The following JKAMP variants were observed in gnomAD, a reference collection of about 807,000 sequenced individuals.
JKAMP encodes the protein JNK1/MAPK8 associated membrane protein.
Under a neutral mutation model 40.2 loss-of-function variants are expected in JKAMP, and 20 were observed. The observed-to-expected ratio is 0.50, with a 90% CI of 0.35 to 0.72. JKAMP has a LOEUF of 0.72. Among genes scored for constraint, JKAMP ranks in the 30% least tolerant of loss-of-function variants. The pLI is 0.01. For missense variants in JKAMP, 276 were observed against 373.0 expected (o/e 0.74, Z 2.14); for synonymous variants, 138 against 131.6 (o/e 1.05, Z -0.33).
intron 6 of JKAMP, among the ~76,000 whole-genome samples, chr14:59,503,461 C>T (rs1892091275): frequency 6.6e-6 from 1 of 152,154 alleles, no homozygotes; most frequent in South Asian, 2.1e-4. Flanking sequence ...TTCTGTACCT[C>T]CTATTTCCCA....
intron 2 of JKAMP, 185 bp from the exon 3 acceptor site, chr14:59,487,489 C>T: frequency 2.1e-6 from 1 of 487,144 alleles, no homozygotes; most frequent in South Asian, 3.8e-5. Context: ...GAGCATTGTA[C>T]AAATATAGCA....
At chr14:59,491,919 A>G (rs893235698) in intron 3 of JKAMP, among the ~76,000 whole-genome samples, 3 of 152,252 alleles carry the variant, frequency 2.0e-5, no homozygotes, top group Non-Finnish European at 4.4e-5. Flanking sequence ...ATGGCTGCTG[A>G]CAAAAGTAGC....
chr14:59,503,045 A>G (rs7151094), intron 6 of JKAMP, among the ~76,000 whole-genome samples: 146,306 of 151,988 alleles, frequency 0.96, 70,660 homozygotes, highest in East Asian at 1. Context: ...ACCACGCCTG[A>G]CCTTGAATTT....
chr14:59,484,534 T>C lies in JKAMP; in HGVS notation c.-56T>C, dbSNP rs770760295. ...AGCTCGCTGTGGCCCGGATGTTCGGTGCAGCTGCCAGATCCGCTGATCTAG... is the reference window on the plus strand; with the variant it reads ...AGCTCGCTGTGGCCCGGATGTTCGGCGCAGCTGCCAGATCCGCTGATCTAG... On this transcript the variant is annotated 5_prime_UTR_variant, in exon 1 of 7. Coordinates refer to ENST00000616435, the MANE Select transcript of JKAMP (RefSeq NM_016475.5). 2 of 1,558,748 alleles carry C rather than the reference T, an allele frequency of 1.3e-6. No individual in the cohort carries two copies. Among genetic ancestry groups the C allele is most frequent in the Non-Finnish European group, 1.7e-6 (2 of 1,150,954 alleles).
intron 4 of JKAMP, among the ~76,000 whole-genome samples, chr14:59,496,021 A>G (rs1037902545): frequency 2.0e-5 from 3 of 152,212 alleles, no homozygotes; most frequent in African/African-American, 7.2e-5. Context: ...CTTGTGCCTC[A>G]GCCTCCCAAG....
Position 59,498,879 on chromosome 14 carries a change from T to C in JKAMP, c.611T>C (p.Val204Ala). Residue 204 changes from valine to alanine, a missense_variant, in exon 5 of 7, where the codon GTG becomes GCG. Physicochemically the swap from Val to Ala is moderately conservative, Grantham distance 64 (BLOSUM62 0). Coordinates refer to ENST00000616435, the MANE Select transcript of JKAMP (RefSeq NM_016475.5). ...AALYFFPILT[V>A]LQAVGGGLLY... ...CTTTACTTCTTCCCAATTTTAACCGTGCTTCAGGCAGTTGGTGGAGGCCTT... is the reference window on the plus strand; with the variant it reads ...CTTTACTTCTTCCCAATTTTAACCGCGCTTCAGGCAGTTGGTGGAGGCCTT... 1 of 1,610,256 alleles carries C rather than the reference T, an allele frequency of 6.2e-7. No homozygotes were observed. Among genetic ancestry groups the C allele is most frequent in the South Asian group, 1.1e-5 (1 of 90,234 alleles).
Position 59,497,610 on chromosome 14 carries a change from A to T in JKAMP, c.459-1117A>T, listed in dbSNP as rs901808020. ...TAATTCATTAGAAGAGGTAACACAT[A>T]ATGGTTTCCTCTTGATTAAAATCAT... is the stretch of plus-strand genomic sequence containing the variant. On this transcript the variant is annotated intron_variant, in intron 4 of 6. Transcript: ENST00000616435. 5.3e-5 allele frequency among the ~76,000 whole-genome samples: 8 copies of T among 152,278 alleles called. No individual in the cohort carries two copies. The South Asian group carries it at 1.7e-3, about 32-fold the overall frequency.
intron 4 of JKAMP, among the ~76,000 whole-genome samples, chr14:59,497,393 G>A (rs1891530240): frequency 6.6e-6 from 1 of 152,084 alleles, no homozygotes; most frequent in Admixed American, 6.6e-5. Flanking sequence ...GAGGTCTTCT[G>A]GTGGAAGGCA....
intron 6 of JKAMP, among the ~76,000 whole-genome samples, chr14:59,503,146 A>C (rs567411063): frequency 1.3e-5 from 2 of 152,162 alleles, no homozygotes; most frequent in Admixed American, 6.5e-5. Flanking sequence ...CTCCTATATA[A>C]AATGTTCACA....
At chr14:59,497,952 T>C (rs1264710148) in intron 4 of JKAMP, among the ~76,000 whole-genome samples, 1 of 152,050 alleles carries the variant, frequency 6.6e-6, no homozygotes, top group Admixed American at 6.6e-5. Context: ...CTCAGGAAAA[T>C]TAAGGTAGAA....
At chr14:59,500,625 C>T (rs752492889) in intron 5 of JKAMP, among the ~76,000 whole-genome samples, 1 of 152,114 alleles carries the variant, frequency 6.6e-6, no homozygotes, top group Non-Finnish European at 1.5e-5. Flanking sequence ...TTATAGATAA[C>T]CTTTTTCAAC....
intron 3 of JKAMP, among the ~76,000 whole-genome samples, chr14:59,493,461 T>C (rs1362224406): frequency 1.3e-5 from 2 of 152,074 alleles, no homozygotes; most frequent in Non-Finnish European, 2.9e-5. Flanking sequence ...CATCACAAAA[T>C]AGTGAGAAAT....
intron 4 of JKAMP, 41 bp from the exon 5 acceptor site, chr14:59,498,686 A>G: frequency 9.0e-7 from 1 of 1,115,682 alleles, no homozygotes; most frequent in African/African-American, 1.6e-5. Context: ...AACATTTTTA[A>G]AACATTTTTG....
At chr14:59,500,413 T>C (rs937775563) in intron 5 of JKAMP, among the ~76,000 whole-genome samples, 6 of 152,228 alleles carry the variant, frequency 3.9e-5, no homozygotes, top group African/African-American at 1.4e-4. Context: ...TTTGTCCATT[T>C]ATTTTAGTGT....
intron 6 of JKAMP, among the ~76,000 whole-genome samples, chr14:59,502,755 T>TGTTTTTTTTTGTTTTGTTTTTTTGTTTTG (rs67189643): frequency 1.6e-5 from 2 of 122,910 alleles, no homozygotes; most frequent in Non-Finnish European, 1.6e-5. Context: ...ATGAGATTTT[T>TGTTTTTTTTTGTTTTGTTTTTTTGTTTTG]TTTTTTTTTT....
At chr14:59,494,721 A>G (rs1403851096) in intron 3 of JKAMP, among the ~76,000 whole-genome samples, 3 of 152,170 alleles carry the variant, frequency 2.0e-5, no homozygotes, top group African/African-American at 7.2e-5. Context: ...GTTACATACC[A>G]TCTTTTATGT....
chr14:59,486,581 T>C, intron 1 of JKAMP, 132 bp from the exon 2 acceptor site: 2 of 658,946 alleles, frequency 3.0e-6, no homozygotes, highest in African/African-American at 1.8e-5. Flanking sequence ...TAAAAATGCT[T>C]CAAGACTTTT....
At chr14:59,486,183 A>G (rs17255787) in intron 1 of JKAMP, among the ~76,000 whole-genome samples, 9,450 of 152,260 alleles carry the variant, frequency 0.062, 389 homozygotes, top group Middle Eastern at 0.11. Context: ...AGCTAGGACA[A>G]TGTAGGAAAC....
intron 3 of JKAMP, among the ~76,000 whole-genome samples, chr14:59,492,141 A>C (rs1566576706): frequency 6.6e-6 from 1 of 152,190 alleles, no homozygotes; most frequent in Non-Finnish European, 1.5e-5. Context: ...ACCTATAAAG[A>C]AAGTAAGGAT....
Sources: gnomAD v4.1 joint callset for allele counts (sites outside exome capture counted in the v4.1 genomes callset) on GRCh38, gnomAD v4.1.1 for gene constraint, MANE v1.5 for transcripts, NCBI Gene and HGNC (gene_info 2026-07-23, HGNC 2026-07-21) for gene names.